Variants in TFAP4 observed in about 807,000 individuals in gnomAD.
TFAP4 encodes activating enhancer-binding protein 4.
Under a neutral mutation model 40.4 loss-of-function variants are expected in TFAP4, and 7 were observed. That is an observed-to-expected ratio of 0.17 (90% confidence interval 0.10 to 0.33). The LOEUF (loss-of-function observed/expected upper bound fraction) is 0.33. TFAP4 is among the 10% of genes least tolerant of loss of function. The pLI is 1.00. For synonymous variants in TFAP4, 218 were observed against 181.4 expected (o/e 1.20, Z -1.62); for missense variants, 374 against 451.1 (o/e 0.83, Z 1.55).
chr16:4,272,203 C>CTGCAT (rs2053045749), intron 1 of TFAP4, among the ~76,000 whole-genome samples: 1 of 151,838 alleles, frequency 6.6e-6, no homozygotes. Flanking sequence ...CGCGGCATGG[C>CTGCAT]TGCATTGTAG....
intron 4 of TFAP4, 144 bp from the exon 5 acceptor site, chr16:4,260,739 C>T: frequency 1.1e-6 from 1 of 918,976 alleles, no homozygotes; most frequent in Non-Finnish European, 1.5e-6. Context: ...TTTCCAGAGC[C>T]CTTCAGCCCC....
rs1481156358 is a variant in TFAP4, at chr16:4,269,429, C to T, written c.89+3229G>A. ...AATGGCGTGAACCCGGGAGGCCGAG[C>T]TTGCAGTGAGCCGAGATTGCACCAC... On this transcript the variant is annotated intron_variant, in intron 1 of 6. Coordinates refer to ENST00000204517, the MANE Select transcript of TFAP4 (RefSeq NM_003223.3). Among the ~76,000 whole-genome samples the T allele has an allele frequency of 2.2e-5, 3 of 138,724 alleles. No homozygotes were observed. In the Admixed American group the frequency reaches 2.3e-4, roughly 11 times the overall value. The allele number at this position is 138,724 out of a possible 152,430, so 91.0% of individuals were successfully genotyped here.
intron 1 of TFAP4, chr16:4,262,934 G>A (rs374864714): frequency 1.8e-6 from 1 of 555,336 alleles, no homozygotes; most frequent in Non-Finnish European, 3.2e-6. Flanking sequence ...CCAGTTCTTT[G>A]GGAGGTCAAG....
chr16:4,269,036 T>C (rs1273217526), intron 1 of TFAP4, among the ~76,000 whole-genome samples: 3 of 151,786 alleles, frequency 2.0e-5, no homozygotes, highest in African/African-American at 7.3e-5. Context: ...TACAGGCACA[T>C]GCCACCATGC....
rs979240476 is a variant in TFAP4, at chr16:4,272,982, G to A, written c.-236C>T. The stretch of plus-strand genomic sequence containing the variant: ...TGTGTGTGTGTGTGTGTGTGTGTGT[G>A]TGTGTGTGTGTGTGTGTGTGTTTGC... On this transcript the variant is annotated 5_prime_UTR_variant, in exon 1 of 7. Coordinates refer to ENST00000204517, the MANE Select transcript of TFAP4 (RefSeq NM_003223.3). The A allele has an allele frequency of 3.3e-4, 166 of 496,700 alleles. 2 individuals carry two copies. The highest frequency in any genetic ancestry group is 1.4e-3 in the South Asian group (49 of 34,604). 30.8% of individuals were successfully genotyped at this position (496,700 alleles called of 1,614,324 possible). A position where few individuals can be genotyped will look rare whatever the true frequency, so the allele number is the denominator to read the frequency against.
In TFAP4 at chr16:4,268,387, G is replaced by A. The variant is rs767921376; in HGVS notation, c.89+4271C>T. Among the ~76,000 whole-genome samples the A allele has an allele frequency of 2.0e-4, 30 of 152,052 alleles. 1 individual carries two copies. Among genetic ancestry groups the A allele is most frequent in the Non-Finnish European group, 1.9e-4 (13 of 68,010 alleles). On this transcript the variant is annotated intron_variant, in intron 1 of 6. Coordinates refer to ENST00000204517, the MANE Select transcript of TFAP4 (RefSeq NM_003223.3). The stretch of plus-strand genomic sequence containing the variant: ...CCAGGACAACCCATGAAACTCTTAG[G>A]GGGTCTACAAGACCTTTTAAGACCA...
intron 1 of TFAP4, among the ~76,000 whole-genome samples, chr16:4,269,810 AAAACAAAC>A (rs34126956): frequency 2.0e-4 from 30 of 150,606 alleles, no homozygotes; most frequent in East Asian, 3.9e-4. Context: ...AGTCCATCTC[AAAACAAAC>A]AAACAAACAA....
intron 1 of TFAP4, among the ~76,000 whole-genome samples, chr16:4,272,151 C>T (rs1470074698): frequency 6.6e-6 from 1 of 151,430 alleles, no homozygotes; most frequent in Non-Finnish European, 1.5e-5. Context: ...TCTGCAAACA[C>T]GCACAGTGCC....
intron 1 of TFAP4, among the ~76,000 whole-genome samples, chr16:4,271,720 T>G (rs1201397934): frequency 6.6e-6 from 1 of 152,078 alleles, no homozygotes; most frequent in Non-Finnish European, 1.5e-5. Context: ...ATGGGAAAGT[T>G]TGCAGAGGAA....
rs1400638855 is a variant in TFAP4 at position 4,272,947 on chromosome 16, C to CGTGTGTGTGT, written c.-202_-201insACACACACAC. The CGTGTGTGTGT allele has an allele frequency of 8.7e-6, 4 of 458,522 alleles. No individual in the cohort carries two copies. The African/African-American group carries it at 1.1e-4, about 13-fold the overall frequency. The allele number at this position is 458,522 out of a possible 1,614,324, so 28.4% of individuals were successfully genotyped here. ...GGTCTCTCCGGCCTGCCTCCCCGGG[C>CGTGTGTGTGT]GTGTGTATGTGTGTGTGTGTGTGTG... On this transcript the variant is annotated 5_prime_UTR_variant, in exon 1 of 7. Transcript: ENST00000204517.
chr16:4,263,044 T>C (rs753409034), intron 1 of TFAP4: 8 of 291,396 alleles, frequency 2.7e-5, no homozygotes, highest in African/African-American at 8.8e-5. Context: ...TGGTGGTGCA[T>C]GCCTGTAGTC....
chr16:4,260,459 G>A lies in TFAP4; in HGVS notation c.662C>T (p.Thr221Ile). 6.3e-7 allele frequency: 1 copy of A among 1,586,668 alleles called. No homozygotes were observed. Residue 221 changes from threonine (T) to isoleucine (I), a missense_variant, in exon 5 of 7, where the codon ACC becomes ATC. Physicochemically the swap from Thr to Ile is moderately conservative, Grantham distance 89 (BLOSUM62 -1). Coordinates refer to ENST00000204517, the MANE Select transcript of TFAP4 (RefSeq NM_003223.3). The part of the protein sequence containing the change: ...KLEREQQQLR[T>I]QLLPPPAPTH... ...TCCCGGGCGCCTCCTGCTCACCTGG[G>A]TCCGCAGCTGCTGCTGTTCCCGCTC...
At chr16:4,269,928 C>G (rs542394892) in intron 1 of TFAP4, among the ~76,000 whole-genome samples, 1 of 152,290 alleles carries the variant, frequency 6.6e-6, no homozygotes, top group South Asian at 2.1e-4. Flanking sequence ...TGCCTGTAAT[C>G]CTAGTACTTT....
In TFAP4 at chr16:4,257,973, T is replaced by C; in HGVS notation, c.*82A>G. On this transcript the variant is annotated 3_prime_UTR_variant, in exon 7 of 7. Coordinates refer to ENST00000204517, the MANE Select transcript of TFAP4 (RefSeq NM_003223.3). ...GACATCGTAATTTTGTAAAAATTTC[T>C]CACTCATTCGCCCATGTCTCTCCCT... 7.5e-7 allele frequency: 1 copy of C among 1,338,704 alleles called. No individual in the cohort carries two copies. The highest frequency in any genetic ancestry group is 1.0e-6 in the Non-Finnish European group (1 of 983,420). The allele number at this position is 1,338,704 out of a possible 1,614,324, so 82.9% of individuals were successfully genotyped here.
intron 1 of TFAP4, chr16:4,266,461 C>A (rs1051423314): frequency 3.3e-5 from 5 of 151,998 alleles, no homozygotes; most frequent in African/African-American, 1.2e-4. Flanking sequence ...CCTAAATTGC[C>A]CTGGAAGTAC....
At chr16:4,266,511 G>A (rs2052997365) in intron 1 of TFAP4, 1 of 152,008 alleles carries the variant, frequency 6.6e-6, no homozygotes, top group Non-Finnish European at 1.5e-5. Flanking sequence ...TTCTAACCAA[G>A]GCTTCTGATT....
At chr16:4,272,323 G>T (rs1189567957) in intron 1 of TFAP4, among the ~76,000 whole-genome samples, 1 of 152,128 alleles carries the variant, frequency 6.6e-6, no homozygotes, top group African/African-American at 2.4e-5. Context: ...CGCAGGAGGG[G>T]GAAAGAGGAA....
intron 4 of TFAP4, among the ~76,000 whole-genome samples, chr16:4,261,054 C>T (rs575512981): frequency 1.3e-5 from 2 of 152,036 alleles, no homozygotes; most frequent in East Asian, 3.9e-4. Context: ...CTGCAGCCTC[C>T]ACCTCCTGGG....
chr16:4,267,376 C>G (rs1398729111), intron 1 of TFAP4, among the ~76,000 whole-genome samples: 6 of 152,216 alleles, frequency 3.9e-5, no homozygotes, highest in African/African-American at 1.4e-4. Flanking sequence ...CCTCCTGGGT[C>G]CAAACAGGGG....
Sources: gnomAD v4.1 joint callset for allele counts (sites outside exome capture counted in the v4.1 genomes callset) on GRCh38, gnomAD v4.1.1 for gene constraint, MANE v1.5 for transcripts, NCBI Gene and HGNC (gene_info 2026-07-23, HGNC 2026-07-21) for gene names.